Variants in FMR1 observed in about 807,000 individuals in gnomAD.
The protein encoded by FMR1 is fragile X messenger ribonucleoprotein 1.
A neutral mutation model predicts 50.6 loss-of-function variants in FMR1; 13 were observed. That is an observed-to-expected ratio of 0.26 (90% CI 0.17 to 0.41). FMR1 has a LOEUF of 0.41. FMR1 is among the 10% of genes least tolerant of loss of function. The pLI, the probability that FMR1 is intolerant of heterozygous loss-of-function variation, is 1.00. For synonymous variants in FMR1, 138 were observed against 164.1 expected (o/e 0.84, Z 1.22); for missense variants, 316 against 491.3 (o/e 0.64, Z 3.37).
intron 7 of FMR1, among the ~76,000 whole-genome samples, chrX:147,931,904 A>G (rs1454626008): frequency 8.9e-6 from 1 of 112,039 alleles, no homozygotes; most frequent in Non-Finnish European, 1.9e-5. Flanking sequence ...TGTCATTTCA[A>G]CAGAGGAATG....
chrX:147,948,424 A>C, intron 16 of FMR1: 1 of 999,868 alleles, frequency 1.0e-6, no homozygotes. Context: ...AGAAGACATG[A>C]TAGGATTGTG....
chrX:147,935,774 T>C (rs1485458693), intron 9 of FMR1, among the ~76,000 whole-genome samples: 1 of 112,208 alleles, frequency 8.9e-6, no homozygotes, highest in Non-Finnish European at 1.9e-5. Context: ...ATACTTAAAT[T>C]GGTTTAAAGC....
intron 1 of FMR1, among the ~76,000 whole-genome samples, chrX:147,917,616 A>T (rs181357710): frequency 6.0e-3 from 673 of 111,319 alleles, no homozygotes; most frequent in African/African-American, 0.014. Context: ...AAGCTTTTTT[A>T]AAAAAAAGAG....
intron 16 of FMR1, among the ~76,000 whole-genome samples, chrX:147,945,938 G>A (rs1275149972): frequency 1.8e-5 from 2 of 110,919 alleles, no homozygotes; most frequent in South Asian, 3.8e-4. Flanking sequence ...GTGCAATGGC[G>A]CAATCTCGGC....
Position 147,929,926 on chromosome X carries a change from ATT to A in FMR1, c.420-12_420-11del. On this transcript the variant is annotated intron_variant, in intron 5 of 16. Coordinates refer to ENST00000370475, the MANE Select transcript of FMR1 (RefSeq NM_002024.6). ...CAGTAGTTGGTAATTATTCATCTTA[ATT>A]TTTTTTTTTAAATTTCTAGGTGTGC... 2 of 935,941 alleles carry A rather than the reference ATT, an allele frequency of 2.1e-6. No homozygotes were observed. Among genetic ancestry groups the A allele is most frequent in the African/African-American group, 2.0e-5 (1 of 50,384 alleles). 77.1% of individuals were successfully genotyped at this position (935,941 alleles called of 1,213,427 possible). A position where few individuals can be genotyped will look rare whatever the true frequency, so the allele number is the denominator to read the frequency against.
At chrX:147,936,686 C>G (rs782004372) in intron 10 of FMR1, 73 bp downstream of exon 10, 1 of 599,016 alleles carries the variant, frequency 1.7e-6, no homozygotes, top group Admixed American at 2.4e-5. Flanking sequence ...TGTTGAGGAC[C>G]TCTAATATGT....
Position 147,949,275 on chromosome X carries a change from C to T in FMR1, c.*431C>T. 3.0e-6 allele frequency: 1 copy of T among 330,349 alleles called. No individual in the cohort carries two copies. Among genetic ancestry groups the T allele is most frequent in the African/African-American group, 2.6e-5 (1 of 38,045 alleles). 27.2% of individuals were successfully genotyped at this position (330,349 alleles called of 1,213,427 possible). A position where few individuals can be genotyped will look rare whatever the true frequency, so the allele number is the denominator to read the frequency against. ...GTCTTCATGAAATGCTATGTCATTT[C>T]ATGTCCTGTGTCAGTTTATGTTTTG... On this transcript the variant is annotated 3_prime_UTR_variant, in exon 17 of 17. Transcript: ENST00000370475.
At chrX:147,937,437 C>A in intron 10 of FMR1, 29 bp from the exon 11 acceptor site, 1 of 1,019,784 alleles carries the variant, frequency 9.8e-7, no homozygotes, top group Non-Finnish European at 1.4e-6. Flanking sequence ...TCCTTTTTTT[C>A]TCTTTTGTGT....
At chrX:147,948,531 C>G (rs1001281957) in intron 16 of FMR1, 152 bp from the exon 17 acceptor site, 4 of 1,115,555 alleles carry the variant, frequency 3.6e-6, no homozygotes, top group Admixed American at 3.2e-5. Flanking sequence ...AGAATCCTAC[C>G]TTACATTAAT....
Position 147,946,055 on chromosome X carries a change from T to G in FMR1, c.1737+439T>G, listed in dbSNP as rs782763509. Among the ~76,000 whole-genome samples the G allele has an allele frequency of 5.7e-3, 631 of 111,370 alleles. 1 individual carries two copies. Among genetic ancestry groups the G allele is most frequent in the Non-Finnish European group, 9.7e-3 (513 of 53,031 alleles). On this transcript the variant is annotated intron_variant, in intron 16 of 16. Transcript: ENST00000370475. ...CCATGCCCAGCTAATTTTTGTATTT[T>G]TAGTAGAGACGGGGTTTCACCATGT...
chrX:147,944,217 C>T (rs1225938982), intron 14 of FMR1: 4 of 749,407 alleles, frequency 5.3e-6, no homozygotes, highest in African/African-American at 4.6e-5. Flanking sequence ...CGCTCCTGTC[C>T]TCTAAGTCGT....
chrX:147,926,686 C>CCCCGT (rs1357466078), intron 3 of FMR1, among the ~76,000 whole-genome samples: 1 of 110,562 alleles, frequency 9.0e-6, no homozygotes, highest in Non-Finnish European at 1.9e-5. Flanking sequence ...CGGGGTTTCA[C>CCCCGT]CATGTTGGTC....
intron 4 of FMR1, 59 bp from the exon 5 acceptor site, chrX:147,928,600 G>T: frequency 1.9e-6 from 2 of 1,045,045 alleles, no homozygotes; most frequent in South Asian, 2.0e-5. Context: ...TGAATAGGGA[G>T]AACTTCTTAT....
intron 13 of FMR1, among the ~76,000 whole-genome samples, chrX:147,942,050 C>T (rs1174790261): frequency 2.7e-5 from 3 of 112,622 alleles, no homozygotes; most frequent in Non-Finnish European, 5.6e-5. Flanking sequence ...CTCTCCTTTG[C>T]TCAAATTCTA....
chrX:147,919,341 G>C (rs1277365992), intron 1 of FMR1, among the ~76,000 whole-genome samples: 1 of 111,646 alleles, frequency 9.0e-6, no homozygotes, highest in African/African-American at 3.3e-5. Context: ...GCCTAAGAGT[G>C]ACCAGTTCCT....
At chrX:147,921,803 A>T (rs2043181215) in intron 1 of FMR1, 130 bp from the exon 2 acceptor site, 3 of 481,024 alleles carry the variant, frequency 6.2e-6, no homozygotes, top group Non-Finnish European at 1.1e-5. Flanking sequence ...TGATCTTCAA[A>T]AACTGACCTT....
At chrX:147,915,175 T>C (rs2042790617) in intron 1 of FMR1, among the ~76,000 whole-genome samples, 1 of 111,924 alleles carries the variant, frequency 8.9e-6, no homozygotes, top group South Asian at 3.7e-4. Flanking sequence ...GGACAGACTT[T>C]CATTTGGTTA....
At chrX:147,931,155 T>A (rs2043591471) in intron 7 of FMR1, among the ~76,000 whole-genome samples, 1 of 111,994 alleles carries the variant, frequency 8.9e-6, no homozygotes, top group Admixed American at 9.5e-5. Flanking sequence ...GTGTTCATGA[T>A]TTTGTGGTTC....
In FMR1 at chrX:147,948,987, A is replaced by G. The variant is rs782255100; in HGVS notation, c.*143A>G. Reference sequence around the variant, plus strand: ...ACACAAATTATGCTAAGAATTTTTTATTTTTTGGTATTGGCCATAAGCAAC... The same window carrying G: ...ACACAAATTATGCTAAGAATTTTTTGTTTTTTGGTATTGGCCATAAGCAAC... On this transcript the variant is annotated 3_prime_UTR_variant, in exon 17 of 17. Coordinates refer to ENST00000370475, the MANE Select transcript of FMR1 (RefSeq NM_002024.6). 6.3e-5 allele frequency: 39 copies of G among 619,691 alleles called. No homozygotes were observed. The highest frequency in any genetic ancestry group is 1.1e-4 in the East Asian group (3 of 28,110). The allele number at this position is 619,691 out of a possible 1,213,427, so 51.1% of individuals were successfully genotyped here. A position where few individuals can be genotyped will look rare whatever the true frequency, so the allele number is the denominator to read the frequency against.
Sources: gnomAD v4.1 joint callset for allele counts (sites outside exome capture counted in the v4.1 genomes callset) on GRCh38, gnomAD v4.1.1 for gene constraint, MANE v1.5 for transcripts, NCBI Gene and HGNC (gene_info 2026-07-23, HGNC 2026-07-21) for gene names.